Variants in PIH1D2 observed in about 807,000 individuals in gnomAD.
The protein encoded by PIH1D2 is PIH1 domain-containing protein 2.
In PIH1D2, 25 loss-of-function variants were observed where a neutral mutation model predicts 31.2. The observed-to-expected ratio is 0.80, with a 90% CI of 0.58 to 1.12. PIH1D2 has a LOEUF of 1.12. Ranked by LOEUF, PIH1D2 falls within the 50% of genes most tolerant of loss-of-function variation. PIH1D2 has a pLI of 0.00. For synonymous variants in PIH1D2, 116 were observed against 119.9 expected (o/e 0.97, Z 0.21); for missense variants, 310 against 356.6 (o/e 0.87, Z 1.05).
At chr11:112,072,948 G>T (rs782152653) in intron 2 of PIH1D2, 50 bp downstream of exon 2, 3 of 1,491,896 alleles carry the variant, frequency 2.0e-6, no homozygotes, top group South Asian at 1.3e-5. Flanking sequence ...TGGTTATTCT[G>T]GGATCATTTC....
chr11:112,070,695 GTTAGTTCT>G lies in PIH1D2; in HGVS notation c.548-2_553del, dbSNP rs782444326. 6.8e-6 allele frequency: 11 copies of G among 1,610,426 alleles called. No individual in the cohort carries two copies. The highest frequency in any genetic ancestry group is 5.1e-6 in the Non-Finnish European group (6 of 1,177,786). On this transcript the variant is annotated splice_acceptor_variant and coding_sequence_variant, in exon 5 of 6. Transcript: ENST00000280350. LOFTEE classifies it high-confidence loss of function. ...AGTACTGCTTCGTATCTGTCCAAGA[GTTAGTTCT>G]TTATGAAAAAAAGGGTGGAGGGGAG...
chr11:112,073,410 T>G (rs1451252669), intron 1 of PIH1D2, among the ~76,000 whole-genome samples: 1 of 152,120 alleles, frequency 6.6e-6, no homozygotes, highest in African/African-American at 2.4e-5. Context: ...CATTGTCCTC[T>G]CAGATAAGGC....
chr11:112,070,433 TACCTC>T lies in PIH1D2; in HGVS notation c.811_813+2del, dbSNP rs782096696. ...AATTTACAGTGTTATCTATTCAACT[TACCTC>T]AGAAACACTAAGGTCACAGAGAGAG... On this transcript the variant is annotated splice_donor_variant and coding_sequence_variant, in exon 5 of 6. Transcript: ENST00000280350. LOFTEE classifies it high-confidence loss of function. 3 of 1,612,884 alleles carry T rather than the reference TACCTC, an allele frequency of 1.9e-6. No individual in the cohort carries two copies. The South Asian group carries it at 3.3e-5, about 18-fold the overall frequency.
At position 112,073,095 on chromosome 11, in the gene PIH1D2, G is replaced by C. The variant is rs1865197565; in HGVS notation, c.80C>G (p.Pro27Arg). Residue 27 changes from proline to arginine, a missense_variant, in exon 2 of 6, where the codon CCT becomes CGT. By Grantham distance (103) the Pro-to-Arg change is moderately radical (BLOSUM62 -2). Coordinates refer to ENST00000280350, the MANE Select transcript of PIH1D2 (RefSeq NM_138789.4). ...CTGAATAAACTTCTCATAGCCCTCA[G>C]GGTCACTCTGAGCTAGATCATCTAG... ...NLLDDLAQSD[P>R]EGYEKFIQQQ... 6.2e-7 allele frequency: 1 copy of C among 1,613,948 alleles called. No individual in the cohort carries two copies. Among genetic ancestry groups the C allele is most frequent in the Admixed American group, 1.7e-5 (1 of 60,002 alleles).
downstream of PIH1D2, among the ~76,000 whole-genome samples, chr11:112,058,799 C>T (rs781917282): frequency 6.6e-6 from 1 of 151,940 alleles, no homozygotes; most frequent in Non-Finnish European, 1.5e-5. Context: ...TTTGTTCATC[C>T]CTGCTTCAAA....
At chr11:112,058,326 G>A (rs1457336892), downstream of PIH1D2, among the ~76,000 whole-genome samples, 1 of 152,172 alleles carries the variant, frequency 6.6e-6, no homozygotes, top group African/African-American at 2.4e-5. Context: ...GGTAATTAAT[G>A]AGTCATACAC....
chr11:112,067,710 A>T (rs1330604936), downstream of PIH1D2: 2 of 256,104 alleles, frequency 7.8e-6, no homozygotes, highest in Non-Finnish European at 7.0e-6. Flanking sequence ...ATATATATAT[A>T]TATTTGACAT....
the PIH1D2 span, among the ~76,000 whole-genome samples, chr11:112,054,304 A>G: frequency 1.3e-5 from 2 of 152,050 alleles, no homozygotes; most frequent in African/African-American, 4.8e-5. Flanking sequence ...TGAGCAACAG[A>G]GCAAGACTGC....
At chr11:112,072,900 C>CA (rs1266784839) in intron 2 of PIH1D2, 98 bp downstream of exon 2, 49 of 1,019,604 alleles carry the variant, frequency 4.8e-5, no homozygotes, top group South Asian at 7.6e-5. Context: ...AAAAAAAAAA[C>CA]AAAAAAAATT....
chr11:112,058,538 C>T (rs112523030), downstream of PIH1D2, among the ~76,000 whole-genome samples: 31 of 141,542 alleles, frequency 2.2e-4, no homozygotes, highest in Non-Finnish European at 4.2e-4. Context: ...CTAGCAGGGG[C>T]CCTTAGGCAG....
chr11:112,067,156 A>C (rs1555183926), downstream of PIH1D2, among the ~76,000 whole-genome samples: 3 of 152,208 alleles, frequency 2.0e-5, no homozygotes, highest in Admixed American at 6.5e-5. Context: ...CATCCTGATA[A>C]TAAAAAACTT....
chr11:112,067,528 G>A (rs1203809382), downstream of PIH1D2, among the ~76,000 whole-genome samples: 1 of 149,922 alleles, frequency 6.7e-6, no homozygotes, highest in African/African-American at 2.5e-5. Flanking sequence ...AGCTGGGCGT[G>A]GTGGTGCATG....
chr11:112,066,840 A>G (rs1864940674), downstream of PIH1D2, among the ~76,000 whole-genome samples: 1 of 151,766 alleles, frequency 6.6e-6, no homozygotes, highest in Non-Finnish European at 1.5e-5. Flanking sequence ...AGGCAGATGG[A>G]TCACTTGAGG....
downstream of PIH1D2, chr11:112,064,147 A>T: frequency 6.5e-7 from 1 of 1,547,368 alleles, no homozygotes; most frequent in Non-Finnish European, 8.7e-7. Flanking sequence ...CATCAATATG[A>T]TCCAAATCTG....
chr11:112,056,510 G>A, the PIH1D2 span, among the ~76,000 whole-genome samples: 48 of 152,240 alleles, frequency 3.2e-4, no homozygotes, highest in African/African-American at 1.1e-3. Context: ...GTTGTAGCAT[G>A]TATCTGTAGT....
Position 112,073,041 on chromosome 11 carries a change from C to G in PIH1D2, c.134G>C (p.Cys45Ser). 1 of 1,614,138 alleles carries G rather than the reference C, an allele frequency of 6.2e-7. No individual in the cohort carries two copies. The highest frequency in any genetic ancestry group is 1.1e-5 in the South Asian group (1 of 91,070). The part of the protein sequence containing the change: ...QQQLKEGKQL[C>S]AAPEPQLCLQ... Reference sequence around the variant, plus strand: ...ACAAAGCTGTGGTTCTGGGGCAGCACAGAGCTGTTTCCCTTCTTTCAGCTG... The same window carrying G: ...ACAAAGCTGTGGTTCTGGGGCAGCAGAGAGCTGTTTCCCTTCTTTCAGCTG... The change falls in exon 2 of 6, where the codon TGT becomes TCT. Residue 45 changes from cysteine to serine, a missense_variant. By Grantham distance (112) the Cys-to-Ser change is moderately radical. Coordinates refer to ENST00000280350, the MANE Select transcript of PIH1D2 (RefSeq NM_138789.4).
intron 5 of PIH1D2, chr11:112,070,047 A>T (rs1336041074): frequency 3.4e-6 from 1 of 297,728 alleles, no homozygotes; most frequent in African/African-American, 2.1e-5. Context: ...GGTAGACTGT[A>T]GGACTGACTC....
chr11:112,070,775 G>C, intron 4 of PIH1D2, 74 bp from the exon 5 acceptor site: 1 of 1,468,744 alleles, frequency 6.8e-7, no homozygotes. Context: ...TATAATATAT[G>C]TGGTGTTAGT....
At chr11:112,072,616 C>T (rs1321451701) in intron 2 of PIH1D2, 1 of 144,778 alleles carries the variant, frequency 6.9e-6, no homozygotes, top group Non-Finnish European at 1.5e-5. Flanking sequence ...GTAATCCCAG[C>T]ACTTTGGGAG....
Sources: allele counts gnomAD v4.1 joint callset (sites outside exome capture counted in the v4.1 genomes callset), GRCh38; gene constraint gnomAD v4.1.1; transcripts MANE v1.5; gene names NCBI Gene and HGNC (gene_info 2026-07-23, HGNC 2026-07-21).